Variants in CRIM1 observed in about 807,000 individuals in gnomAD.
CRIM1 encodes cysteine-rich motor neuron 1 protein.
In CRIM1, 32 loss-of-function variants were observed where a neutral mutation model predicts 116.4. The ratio of observed to expected loss-of-function variants is 0.27; its 90% CI spans 0.21 to 0.37. CRIM1 has a LOEUF of 0.37. CRIM1 is among the 10% of genes least tolerant of loss of function. CRIM1 has a pLI of 1.00. For synonymous variants in CRIM1, 590 were observed against 509.2 expected (o/e 1.16, Z -2.13); for missense variants, 1,331 against 1,354.8 (o/e 0.98, Z 0.28).
chr2:36,529,652 TAACAC>T (rs1254206649), intron 13 of CRIM1: 1 of 156,012 alleles, frequency 6.4e-6, no homozygotes, highest in Non-Finnish European at 1.4e-5. Context: ...AACAAATGCT[TAACAC>T]AAGGAGTAAG....
chr2:36,475,523 A>G (rs1346919705), intron 5 of CRIM1, among the ~76,000 whole-genome samples: 1 of 152,180 alleles, frequency 6.6e-6, no homozygotes, highest in Non-Finnish European at 1.5e-5. Flanking sequence ...GTCATCTGCA[A>G]TTAGAGATAG....
At chr2:36,384,050 G>T (rs1007243385) in intron 1 of CRIM1, among the ~76,000 whole-genome samples, 5 of 152,190 alleles carry the variant, frequency 3.3e-5, no homozygotes, top group Admixed American at 2.0e-4. Context: ...GAGGAGAGAA[G>T]TGCTACGGAG....
chr2:36,494,509 T>G (rs1001627459), intron 7 of CRIM1, among the ~76,000 whole-genome samples: 2 of 152,154 alleles, frequency 1.3e-5, no homozygotes, highest in African/African-American at 4.8e-5. Context: ...AGACTTGGGA[T>G]AAGAATTGGT....
intron 8 of CRIM1, among the ~76,000 whole-genome samples, chr2:36,508,524 A>T (rs1681587144): frequency 6.6e-6 from 1 of 152,214 alleles, no homozygotes; most frequent in Non-Finnish European, 1.5e-5. Context: ...AAATTTGTTC[A>T]TCATTCCAAT....
intron 1 of CRIM1, chr2:36,378,426 C>G (rs1670481944): frequency 2.1e-6 from 1 of 471,094 alleles, no homozygotes; most frequent in South Asian, 1.5e-5. Flanking sequence ...AATGGTCCCC[C>G]AAATGGTCCA....
rs1309246828 is a variant in CRIM1, at chr2:36,549,487, C to G, written c.*786C>G. ...GAGCACTGGAGCTTTTTTTTTTTTA[C>G]AACGTGACAGGAAGAGGAGGGAGAG... On this transcript the variant is annotated 3_prime_UTR_variant, in exon 17 of 17. Coordinates refer to ENST00000280527, the MANE Select transcript of CRIM1 (RefSeq NM_016441.3). 1 of 149,286 alleles carries G rather than the reference C, an allele frequency of 6.7e-6. No individual in the cohort carries two copies. The highest frequency in any genetic ancestry group is 1.5e-5 in the Non-Finnish European group (1 of 67,338). 9.2% of individuals were successfully genotyped at this position (149,286 alleles called of 1,614,324 possible). A position where few individuals can be genotyped will look rare whatever the true frequency, so the allele number is the denominator to read the frequency against.
At chr2:36,411,771 T>C (rs1173606991) in intron 2 of CRIM1, among the ~76,000 whole-genome samples, 1 of 152,120 alleles carries the variant, frequency 6.6e-6, no homozygotes, top group African/African-American at 2.4e-5. Flanking sequence ...ATTTTGGTCT[T>C]CCTTAATGGT....
Position 36,356,231 on chromosome 2 carries a change from G to T in CRIM1, c.-62G>T, listed in dbSNP as rs1345721524. 3 of 988,986 alleles carry T rather than the reference G, an allele frequency of 3.0e-6. No individual in the cohort carries two copies. Among genetic ancestry groups the T allele is most frequent in the African/African-American group, 3.5e-5 (2 of 57,590 alleles). 61.3% of individuals were successfully genotyped at this position (988,986 alleles called of 1,614,324 possible). On this transcript the variant is annotated 5_prime_UTR_variant, in exon 1 of 17. Transcript: ENST00000280527. This position sits in a 1 kb window ranked among gnomAD's most constrained non-coding sequence, Gnocchi z 4.3. ...GCGGCGGCGCGTGTGCCCCGCGCAG[G>T]GGAGGGCGCCCGCCCCGCTCCCGGC...
intron 2 of CRIM1, among the ~76,000 whole-genome samples, chr2:36,431,490 T>G (rs1178453937): frequency 6.6e-6 from 1 of 152,178 alleles, no homozygotes; most frequent in African/African-American, 2.4e-5. Flanking sequence ...TCTAAAAACA[T>G]CTGAAATCCA....
At chr2:36,469,961 G>A (rs138148407) in intron 5 of CRIM1, among the ~76,000 whole-genome samples, 8 of 152,144 alleles carry the variant, frequency 5.3e-5, no homozygotes, top group Admixed American at 5.2e-4. Flanking sequence ...TCTTCTCCCT[G>A]TGGAATAAGC....
chr2:36,379,046 C>G (rs1670534907), intron 1 of CRIM1: 1 of 152,188 alleles, frequency 6.6e-6, no homozygotes, highest in Non-Finnish European at 1.5e-5. Context: ...CTAACATACA[C>G]ACATACTCAT....
intron 5 of CRIM1, among the ~76,000 whole-genome samples, chr2:36,474,695 A>G (rs1228853312): frequency 1.3e-5 from 2 of 151,946 alleles, no homozygotes; most frequent in African/African-American, 4.8e-5. Context: ...TAAAAATACA[A>G]AAATTAGCTG....
Position 36,442,755 on chromosome 2 carries a change from G to T in CRIM1, c.869+20G>T. The T allele has an allele frequency of 6.2e-7, 1 of 1,614,000 alleles. No homozygotes were observed. The highest frequency in any genetic ancestry group is 8.5e-7 in the Non-Finnish European group (1 of 1,179,936). Reference sequence around the variant, plus strand: ...AACAAGGTTAGTTTGCCATTAGTTTGTCAAGTTTTCTCCTCATTTGTTAGC... The same window carrying T: ...AACAAGGTTAGTTTGCCATTAGTTTTTCAAGTTTTCTCCTCATTTGTTAGC... On this transcript the variant is annotated intron_variant, in intron 4 of 16. Transcript: ENST00000280527.
intron 7 of CRIM1, among the ~76,000 whole-genome samples, chr2:36,479,952 A>G (rs1307216885): frequency 6.6e-6 from 1 of 152,266 alleles, no homozygotes; most frequent in East Asian, 1.9e-4. Context: ...GAATATGTAC[A>G]TTTTAATTAA....
rs544764768 is a variant in CRIM1 at position 36,434,025 on chromosome 2, A to T, written c.506-7233A>T. On this transcript the variant is annotated intron_variant, in intron 2 of 16. Transcript: ENST00000280527. ...AGTCTAATTTTTTCCCCTTGGGGTT[A>T]TGATTGTGCGGAACAAGTCTTCACA... is the stretch of plus-strand genomic sequence containing the variant. Among the ~76,000 whole-genome samples the T allele has an allele frequency of 5.3e-5, 8 of 152,306 alleles. No homozygotes were observed. The South Asian group carries it at 1.7e-3, about 32-fold the overall frequency.
intron 10 of CRIM1, chr2:36,513,183 C>G (rs1664803811): frequency 8.7e-6 from 2 of 229,388 alleles, no homozygotes; most frequent in Admixed American, 5.2e-5. Context: ...TGCAAGGGGC[C>G]CAGGATGTCC....
intron 4 of CRIM1, among the ~76,000 whole-genome samples, chr2:36,444,805 A>G (rs970194466): frequency 6.6e-6 from 1 of 152,218 alleles, no homozygotes; most frequent in Admixed American, 6.5e-5. Context: ...TGCAGTTGCC[A>G]CTACCTCTTC....
intron 4 of CRIM1, among the ~76,000 whole-genome samples, chr2:36,456,923 T>C (rs1412116712): frequency 1.3e-5 from 2 of 151,816 alleles, no homozygotes; most frequent in Non-Finnish European, 2.9e-5. Flanking sequence ...TGGGGCAGAG[T>C]CCTAGAAGAT....
intron 8 of CRIM1, among the ~76,000 whole-genome samples, chr2:36,499,590 G>A (rs1270501345): frequency 6.6e-6 from 1 of 151,994 alleles, no homozygotes; most frequent in Non-Finnish European, 1.5e-5. Flanking sequence ...GTGCAACCTG[G>A]AGTGGCTTTG....
Sources: gnomAD v4.1 joint callset for allele counts (sites outside exome capture counted in the v4.1 genomes callset) on GRCh38, gnomAD v4.1.1 for gene constraint, Gnocchi (gnomAD v3.1) non-coding constraint, MANE v1.5 for transcripts, NCBI Gene and HGNC (gene_info 2026-07-23, HGNC 2026-07-21) for gene names.